The following FHIT variants were observed in gnomAD, a reference collection of about 807,000 sequenced individuals.
FHIT encodes the protein fragile histidine triad diadenosine triphosphatase.
FHIT carries 19 observed loss-of-function variants against 17.9 expected under a neutral mutation model. That is an observed-to-expected ratio of 1.06 (90% CI 0.74 to 1.56). FHIT has a LOEUF of 1.56. FHIT is among the 40% of genes most tolerant of loss of function. FHIT has a pLI of 0.00. For missense variants in FHIT, 248 were observed against 189.2 expected, an observed-to-expected ratio of 1.31 and a Z score of -1.82; for synonymous variants, 81 against 69.7, an observed-to-expected ratio of 1.16 and a Z score of -0.81.
chr3:61,024,210 TCTG>T (rs1343668664), intron 3 of FHIT, among the ~76,000 whole-genome samples: 1 of 152,022 alleles, frequency 6.6e-6, no homozygotes, highest in Non-Finnish European at 1.5e-5. Context: ...CTCTTAAAAA[TCTG>T]CTAGTGAGGG....
At position 59,951,005 on chromosome 3, in the gene FHIT, G is replaced by A. The variant is rs868251061; in HGVS notation, c.280-28591C>T. ...GGCATAGTAACAACAATGGCAGCAG[G>A]AGCCCTTGCTACATGCCAGGCTTTG... On this transcript the variant is annotated intron_variant, in intron 7 of 9. Transcript: ENST00000492590. Among the ~76,000 whole-genome samples the A allele has an allele frequency of 1.1e-4, 17 of 152,294 alleles. No homozygotes were observed. In the South Asian group the frequency reaches 1.5e-3, roughly 13 times the overall value.
intron 5 of FHIT, among the ~76,000 whole-genome samples, chr3:60,442,912 A>C (rs1031985028): frequency 6.6e-6 from 1 of 152,086 alleles, no homozygotes; most frequent in African/African-American, 2.4e-5. Flanking sequence ...TGAGCATGGA[A>C]TGTTCTTCCA....
chr3:60,728,704 T>TATAC (rs1553710294), intron 4 of FHIT, among the ~76,000 whole-genome samples: 4 of 147,306 alleles, frequency 2.7e-5, no homozygotes, highest in South Asian at 4.4e-4. Flanking sequence ...CACACACACA[T>TATAC]ACACACACAC....
At chr3:60,098,462 GC>G (rs1267558169) in intron 5 of FHIT, among the ~76,000 whole-genome samples, 5 of 151,588 alleles carry the variant, frequency 3.3e-5, no homozygotes, top group Non-Finnish European at 5.9e-5. Flanking sequence ...TTCTCTGATG[GC>G]CAGTGATGAT....
At chr3:60,258,425 C>T (rs529601612) in intron 5 of FHIT, among the ~76,000 whole-genome samples, 8 of 152,266 alleles carry the variant, frequency 5.3e-5, no homozygotes, top group African/African-American at 1.7e-4. Flanking sequence ...TTAATGCTCT[C>T]CCTGTAGCAG....
At position 60,352,185 on chromosome 3, in the gene FHIT, A is replaced by T. The variant is rs116363542; in HGVS notation, c.103+184675T>A. Among the ~76,000 whole-genome samples the T allele has an allele frequency of 4.5e-4, 68 of 152,330 alleles. 1 individual carries two copies. The highest frequency in any genetic ancestry group is 1.5e-3 in the African/African-American group (64 of 41,588). ...AGTGAGTTATTTTACTAGAGGCTGC[A>T]TAAGAGCCAAGAGAAGCAACTTAAT... On this transcript the variant is annotated intron_variant, in intron 5 of 9. Coordinates refer to ENST00000492590, the MANE Select transcript of FHIT (RefSeq NM_002012.4).
chr3:59,753,294 TACAAAA>T (rs1462552830), intron 8 of FHIT, among the ~76,000 whole-genome samples: 1 of 152,156 alleles, frequency 6.6e-6, no homozygotes, highest in Non-Finnish European at 1.5e-5. Flanking sequence ...GAAAACAACT[TACAAAA>T]AATTAACAAT....
intron 3 of FHIT, among the ~76,000 whole-genome samples, chr3:60,878,421 A>G (rs1309635122): frequency 6.6e-6 from 1 of 152,066 alleles, no homozygotes; most frequent in Non-Finnish European, 1.5e-5. Flanking sequence ...GGAAAATCAG[A>G]ATAGGAGGAC....
chr3:61,154,010 A>G (rs2037465153), intron 2 of FHIT, among the ~76,000 whole-genome samples: 1 of 152,238 alleles, frequency 6.6e-6, no homozygotes, highest in Non-Finnish European at 1.5e-5. Flanking sequence ...CAAGATGAAT[A>G]CATTCTGTGC....
intron 4 of FHIT, among the ~76,000 whole-genome samples, chr3:60,727,557 A>G (rs2041941941): frequency 6.6e-6 from 1 of 152,244 alleles, no homozygotes; most frequent in Non-Finnish European, 1.5e-5. Context: ...GAGCCCCATT[A>G]TAGGAAAGCA....
chr3:60,620,082 T>A (rs918838659), intron 4 of FHIT, among the ~76,000 whole-genome samples: 13 of 152,142 alleles, frequency 8.5e-5, no homozygotes, highest in Admixed American at 8.5e-4. Flanking sequence ...TATTAGGATA[T>A]TGCAAATTAA....
At chr3:60,067,148 G>C (rs1194180925) in intron 5 of FHIT, among the ~76,000 whole-genome samples, 1 of 152,134 alleles carries the variant, frequency 6.6e-6, no homozygotes, top group Non-Finnish European at 1.5e-5. Context: ...ATGAACATGA[G>C]TCTCTATTCC....
chr3:60,950,312 G>C (rs146601619), intron 3 of FHIT, among the ~76,000 whole-genome samples: 1 of 152,130 alleles, frequency 6.6e-6, no homozygotes, highest in Admixed American at 6.5e-5. Context: ...AGTAGATACT[G>C]TAATATCATA....
At chr3:59,984,249 C>A (rs1321625215) in intron 7 of FHIT, among the ~76,000 whole-genome samples, 1 of 152,044 alleles carries the variant, frequency 6.6e-6, no homozygotes, top group Non-Finnish European at 1.5e-5. Flanking sequence ...AGACAGGAAT[C>A]TGAGTACAAA....
intron 5 of FHIT, among the ~76,000 whole-genome samples, chr3:60,174,535 C>T (rs1178167616): frequency 6.6e-6 from 1 of 151,706 alleles, no homozygotes; most frequent in Non-Finnish European, 1.5e-5. Context: ...ACTAGTGTTA[C>T]AAAACAGAAG....
intron 7 of FHIT, among the ~76,000 whole-genome samples, chr3:59,972,142 G>C (rs749306026): frequency 8.5e-5 from 13 of 152,084 alleles, no homozygotes; most frequent in Non-Finnish European, 1.8e-4. Flanking sequence ...GTCCTAGTGA[G>C]GATGGGTACT....
intron 7 of FHIT, among the ~76,000 whole-genome samples, chr3:59,972,401 T>G (rs1708225707): frequency 6.6e-6 from 1 of 152,086 alleles, no homozygotes; most frequent in South Asian, 2.1e-4. Flanking sequence ...CCCAGACTAT[T>G]CCTTGGCATG....
At chr3:60,952,357 A>C (rs782127525) in intron 3 of FHIT, among the ~76,000 whole-genome samples, 1 of 152,144 alleles carries the variant, frequency 6.6e-6, no homozygotes, top group Non-Finnish European at 1.5e-5. Flanking sequence ...AACTTGGCCT[A>C]TTTATTCATC....
At chr3:60,948,264 A>G (rs1708723707) in intron 3 of FHIT, among the ~76,000 whole-genome samples, 1 of 152,174 alleles carries the variant, frequency 6.6e-6, no homozygotes, top group Non-Finnish European at 1.5e-5. Flanking sequence ...CAGAAGGCCC[A>G]AAGGACCTAA....
Sources: gnomAD v4.1 joint callset for allele counts (sites outside exome capture counted in the v4.1 genomes callset) on GRCh38, gnomAD v4.1.1 for gene constraint, MANE v1.5 for transcripts, NCBI Gene and HGNC (gene_info 2026-07-23, HGNC 2026-07-21) for gene names.